Variants in CCDC148 observed in about 807,000 individuals in gnomAD.
CCDC148 encodes the protein coiled-coil domain containing 148, also known as coiled-coil domain-containing protein 148.
A neutral mutation model predicts 85.7 loss-of-function variants in CCDC148; 89 were observed. The observed-to-expected ratio is 1.04, with a 90% CI of 0.87 to 1.24. The LOEUF (loss-of-function observed/expected upper bound fraction) is 1.24. Among genes scored for constraint, CCDC148 ranks in the 50% most tolerant of loss-of-function variants. The probability of loss-of-function intolerance (pLI) is 0.00; values close to 1 mark genes in which losing one functional copy is unlikely to be tolerated. For missense variants in CCDC148, 692 were observed against 671.7 expected (o/e 1.03, Z -0.33); for synonymous variants, 230 against 213.9 (o/e 1.08, Z -0.66).
intron 1 of CCDC148, among the ~76,000 whole-genome samples, chr2:158,445,713 T>C (rs1197458254): frequency 1.3e-5 from 2 of 152,166 alleles, no homozygotes; most frequent in African/African-American, 2.4e-5. Context: ...TTTGAGGATA[T>C]ATTTCCAAAT....
intron 9 of CCDC148, among the ~76,000 whole-genome samples, chr2:158,279,964 C>T (rs1430126575): frequency 6.6e-6 from 1 of 151,450 alleles, no homozygotes; most frequent in Non-Finnish European, 1.5e-5. Context: ...AGAGTGGGGG[C>T]CAATATTCAA....
At chr2:158,328,023 CT>C (rs1392410694) in intron 7 of CCDC148, among the ~76,000 whole-genome samples, 10 of 148,480 alleles carry the variant, frequency 6.7e-5, no homozygotes, top group East Asian at 2.0e-4. Context: ...TATCTCATTT[CT>C]TTTTTTTTTA....
At chr2:158,329,695 G>C (rs1282782986) in intron 7 of CCDC148, among the ~76,000 whole-genome samples, 1 of 152,028 alleles carries the variant, frequency 6.6e-6, no homozygotes, top group East Asian at 1.9e-4. Flanking sequence ...TTGAGCAGTG[G>C]TTTGTAGTTC....
chr2:158,444,714 G>C (rs1688083216), intron 1 of CCDC148, among the ~76,000 whole-genome samples: 1 of 147,522 alleles, frequency 6.8e-6, no homozygotes. Flanking sequence ...GCTGGGGAGA[G>C]GTTTAGACCG....
chr2:158,195,633 A>C (rs547863885), intron 11 of CCDC148, among the ~76,000 whole-genome samples: 1 of 152,230 alleles, frequency 6.6e-6, no homozygotes, highest in Non-Finnish European at 1.5e-5. Context: ...TCAGGAAATC[A>C]TTTTTAAAAG....
At chr2:158,353,422 C>G (rs1237246874) in intron 2 of CCDC148, among the ~76,000 whole-genome samples, 1 of 150,514 alleles carries the variant, frequency 6.6e-6, no homozygotes, top group African/African-American at 2.5e-5. Context: ...GCAGGGGTTG[C>G]AATACTAGTC....
chr2:158,433,091 AATAT>A (rs1553521584), intron 1 of CCDC148, among the ~76,000 whole-genome samples: 3 of 51,334 alleles, frequency 5.8e-5, no homozygotes, highest in African/African-American at 1.1e-4. Flanking sequence ...AAAAAAAAAA[AATAT>A]ATATATATAT....
At position 158,456,603 on chromosome 2, in the gene CCDC148, G is replaced by A; in HGVS notation, c.-164C>T. Reference sequence around the variant, plus strand: ...AGGCACAGTTGGGATTGGCAGTAAGGCAAGGAAAGCCTGCCCCAGATTTCA... The same window carrying A: ...AGGCACAGTTGGGATTGGCAGTAAGACAAGGAAAGCCTGCCCCAGATTTCA... On this transcript the variant is annotated 5_prime_UTR_variant, in exon 1 of 14. Transcript: ENST00000283233. 1.2e-6 allele frequency: 1 copy of A among 844,556 alleles called. No homozygotes were observed. Among genetic ancestry groups the A allele is most frequent in the Non-Finnish European group, 1.8e-6 (1 of 552,442 alleles). 52.3% of individuals were successfully genotyped at this position (844,556 alleles called of 1,614,324 possible). A position where few individuals can be genotyped will look rare whatever the true frequency, so the allele number is the denominator to read the frequency against.
intron 10 of CCDC148, among the ~76,000 whole-genome samples, chr2:158,240,431 C>G (rs866613276): frequency 1.1e-4 from 9 of 80,436 alleles, no homozygotes; most frequent in Non-Finnish European, 2.5e-4. Flanking sequence ...AGATCACTCT[C>G]TCTTTCTCTC....
chr2:158,327,902 T>C (rs115375994), intron 7 of CCDC148, among the ~76,000 whole-genome samples: 2,726 of 152,292 alleles, frequency 0.018, 37 homozygotes, highest in Non-Finnish European at 0.029. Flanking sequence ...AGAATTGCTA[T>C]TGCAAACTCT....
At chr2:158,177,793 C>T (rs1220779984) in intron 12 of CCDC148, among the ~76,000 whole-genome samples, 1 of 151,852 alleles carries the variant, frequency 6.6e-6, no homozygotes, top group Non-Finnish European at 1.5e-5. Flanking sequence ...ACATCTATAC[C>T]ATCTCATTTA....
At chr2:158,345,191 C>A in intron 3 of CCDC148, 24 bp downstream of exon 3, 1 of 1,520,190 alleles carries the variant, frequency 6.6e-7, no homozygotes, top group Non-Finnish European at 9.1e-7. Context: ...CCTACGTGTT[C>A]TTACTATGTC....
At chr2:158,229,930 T>C (rs1687767655) in intron 10 of CCDC148, among the ~76,000 whole-genome samples, 1 of 152,184 alleles carries the variant, frequency 6.6e-6, no homozygotes. Context: ...TTTTCCCATG[T>C]GCACATCTTC....
chr2:158,329,229 A>G (rs1020901592), intron 7 of CCDC148, among the ~76,000 whole-genome samples: 2 of 152,218 alleles, frequency 1.3e-5, no homozygotes, highest in African/African-American at 4.8e-5. Context: ...AGCTTTCTAC[A>G]TATGGCTAGC....
At chr2:158,260,519 A>C (rs553111626) in intron 9 of CCDC148, among the ~76,000 whole-genome samples, 1 of 152,214 alleles carries the variant, frequency 6.6e-6, no homozygotes, top group African/African-American at 2.4e-5. Flanking sequence ...CAGAACAATA[A>C]GGTAACAGAA....
At chr2:158,442,633 T>C (rs1254361002) in intron 1 of CCDC148, among the ~76,000 whole-genome samples, 4 of 152,192 alleles carry the variant, frequency 2.6e-5, no homozygotes, top group Admixed American at 1.3e-4. Flanking sequence ...AGGAATTGAG[T>C]GCCATTGCAA....
intron 9 of CCDC148, among the ~76,000 whole-genome samples, chr2:158,300,944 T>C (rs1691411026): frequency 1.3e-5 from 2 of 152,166 alleles, no homozygotes; most frequent in South Asian, 4.1e-4. Flanking sequence ...AACCTTGAAC[T>C]CCTGGCCTCA....
Position 158,370,424 on chromosome 2 carries a change from TAG to T in CCDC148, c.26-11856_26-11855del, listed in dbSNP as rs565737178. Among the ~76,000 whole-genome samples the T allele has an allele frequency of 2.3e-3, 345 of 152,232 alleles. 2 individuals are homozygous for T. Among genetic ancestry groups the T allele is most frequent in the African/African-American group, 7.7e-3 (322 of 41,572 alleles). On this transcript the variant is annotated intron_variant, in intron 1 of 13. Coordinates refer to ENST00000283233, the MANE Select transcript of CCDC148 (RefSeq NM_138803.4). The stretch of plus-strand genomic sequence containing the variant: ...TGATTATAAAATAAGCCTTCATTTT[TAG>T]AGATTCTTGTATTATAATGAAAGAT...
At chr2:158,335,503 CA>C (rs1682330640) in intron 7 of CCDC148, among the ~76,000 whole-genome samples, 1 of 152,144 alleles carries the variant, frequency 6.6e-6, no homozygotes, top group Admixed American at 6.6e-5. Context: ...CACAGTTCCA[CA>C]TGGCTGGGGA....
Sources: allele counts gnomAD v4.1 joint callset (sites outside exome capture counted in the v4.1 genomes callset), GRCh38; gene constraint gnomAD v4.1.1; transcripts MANE v1.5; gene names NCBI Gene and HGNC (gene_info 2026-07-23, HGNC 2026-07-21).